Variants in CD55 observed in about 807,000 individuals in gnomAD.
CD55 encodes the protein complement decay-accelerating factor.
A neutral mutation model predicts 45.8 loss-of-function variants in CD55; 41 were observed. That is an observed-to-expected ratio of 0.90 (90% CI 0.70 to 1.16). CD55 has a LOEUF of 1.16. Among genes scored for constraint, CD55 ranks in the 50% most tolerant of loss-of-function variants. The probability of loss-of-function intolerance (pLI) is 0.00; values close to 1 mark genes in which losing one functional copy is unlikely to be tolerated. For synonymous variants in CD55, 181 were observed against 181.1 expected (o/e 1.00, Z 0.01); for missense variants, 416 against 469.8 (o/e 0.89, Z 1.06).
chr1:207,338,273 C>T (rs1349034576), intron 8 of CD55, among the ~76,000 whole-genome samples: 1 of 152,032 alleles, frequency 6.6e-6, no homozygotes, highest in Non-Finnish European at 1.5e-5. Context: ...GTTTCATTAC[C>T]TCTTAGCACT....
chr1:207,337,283 A>G (rs754546647), intron 7 of CD55, 46 bp from the exon 8 acceptor site: 2 of 1,169,932 alleles, frequency 1.7e-6, no homozygotes, highest in Admixed American at 3.4e-5. Context: ...CCCAGTGACT[A>G]ATGGTCTCAA....
At chr1:207,338,411 C>T (rs1014989249) in intron 8 of CD55, among the ~76,000 whole-genome samples, 4 of 151,986 alleles carry the variant, frequency 2.6e-5, no homozygotes, top group Admixed American at 6.6e-5. Flanking sequence ...AGGTTGAACA[C>T]GTCCAGTTTT....
In CD55 at chr1:207,359,674, A is replaced by C. The variant is rs979087738; in HGVS notation, c.*64A>C. The C allele has an allele frequency of 2.6e-6, 4 of 1,535,826 alleles. No individual in the cohort carries two copies. Among genetic ancestry groups the C allele is most frequent in the East Asian group, 2.4e-5 (1 of 42,276 alleles). On this transcript the variant is annotated 3_prime_UTR_variant, in exon 10 of 10. Coordinates refer to ENST00000367064, the MANE Select transcript of CD55 (RefSeq NM_000574.5). ...AGACTGTTCCTAGTTTCTTAGACTT[A>C]TCTGCATATTGGATAAAATAAATGC...
chr1:207,327,380 T>C (rs1654733271), intron 5 of CD55, among the ~76,000 whole-genome samples: 1 of 152,194 alleles, frequency 6.6e-6, no homozygotes, highest in African/African-American at 2.4e-5. Context: ...TATATTCTTA[T>C]CATTAGAGAG....
At position 207,321,770 on chromosome 1, in the gene CD55, C is replaced by T. The variant is rs1228509237; in HGVS notation, c.5C>T (p.Thr2Ile). ...CTTGTTCTAACCCGGCGCGCCATGA[C>T]CGTCGCGCGGCCGAGCGTGCCCGCG... M[T>I]VARPSVPAAL... The change falls in exon 1 of 10, where the codon ACC becomes ATC. Residue 2 changes from threonine (T) to isoleucine (I), a missense_variant. Thr to Ile is a moderately conservative substitution (Grantham distance 89, BLOSUM62 -1). Coordinates refer to ENST00000367064, the MANE Select transcript of CD55 (RefSeq NM_000574.5). 9.9e-6 allele frequency: 15 copies of T among 1,515,796 alleles called. No individual in the cohort carries two copies. The East Asian group carries it at 3.5e-4, about 36-fold the overall frequency. The allele number at this position is 1,515,796 out of a possible 1,614,324, so 93.9% of individuals were successfully genotyped here. A position where few individuals can be genotyped will look rare whatever the true frequency, so the allele number is the denominator to read the frequency against.
intron 9 of CD55, chr1:207,340,540 A>G: frequency 1.4e-6 from 1 of 697,950 alleles, no homozygotes. Context: ...TAAGTTTTTG[A>G]AATTTATTTT....
At chr1:207,330,648 G>A (rs1446566240) in intron 5 of CD55, among the ~76,000 whole-genome samples, 3 of 152,180 alleles carry the variant, frequency 2.0e-5, no homozygotes, top group East Asian at 1.9e-4. Flanking sequence ...ATTTGCTAGC[G>A]TTTCCCTCTT....
chr1:207,324,536 G>A, intron 2 of CD55, 23 bp from the exon 3 acceptor site: 3 of 1,501,626 alleles, frequency 2.0e-6, no homozygotes, highest in South Asian at 1.4e-5. Flanking sequence ...ATTTTTTGTT[G>A]CTGCTTTTGT....
chr1:207,327,780 C>T (rs1368209249), intron 5 of CD55, among the ~76,000 whole-genome samples: 1 of 152,138 alleles, frequency 6.6e-6, no homozygotes, highest in African/African-American at 2.4e-5. Context: ...GACACGAAGA[C>T]AAATAAAATG....
At chr1:207,356,338 T>C (rs1656073873) in intron 9 of CD55, among the ~76,000 whole-genome samples, 1 of 152,252 alleles carries the variant, frequency 6.6e-6, no homozygotes, top group South Asian at 2.1e-4. Flanking sequence ...TTCATTTTTG[T>C]CTGTAATTAC....
rs1207177881 is a variant in CD55, at chr1:207,325,726, G to GT, written c.578+8dup. The GT allele has an allele frequency of 6.5e-7, 1 of 1,547,738 alleles. No homozygotes were observed. The highest frequency in any genetic ancestry group is 1.1e-5 in the South Asian group (1 of 88,990). ...CTCCTTCTCATGTAACACAGGGTAAGTTTGGGCATACTAAAACCCTGTATT... is the reference window on the plus strand; with the variant it reads ...CTCCTTCTCATGTAACACAGGGTAAGTTTTGGGCATACTAAAACCCTGTATT... On this transcript the variant is annotated splice_donor_region_variant and intron_variant, in intron 4 of 9. Transcript: ENST00000367064.
intron 6 of CD55, among the ~76,000 whole-genome samples, chr1:207,336,355 C>T (rs970932018): frequency 2.0e-5 from 3 of 152,048 alleles, no homozygotes; most frequent in Admixed American, 2.0e-4. Context: ...TTAGTATTAG[C>T]ACAAAAGATA....
At position 207,326,708 on chromosome 1, in the gene CD55, T is replaced by C. The variant is rs748489511; in HGVS notation, c.579-44T>C. On this transcript the variant is annotated intron_variant, in intron 4 of 9. Coordinates refer to ENST00000367064, the MANE Select transcript of CD55 (RefSeq NM_000574.5). ...TGGAGAATTTGAGGAAAGTCAAATA[T>C]GTGTGAATGTAACAAACTCTTTTTT... is the stretch of plus-strand genomic sequence containing the variant. 4 of 1,392,920 alleles carry C rather than the reference T, an allele frequency of 2.9e-6. No homozygotes were observed. The South Asian group carries it at 4.7e-5, about 16-fold the overall frequency. The allele number at this position is 1,392,920 out of a possible 1,614,324, so 86.3% of individuals were successfully genotyped here. A position where few individuals can be genotyped will look rare whatever the true frequency, so the allele number is the denominator to read the frequency against.
chr1:207,345,692 T>G (rs1185835873), intron 9 of CD55, among the ~76,000 whole-genome samples: 1 of 152,188 alleles, frequency 6.6e-6, no homozygotes, highest in Non-Finnish European at 1.5e-5. Context: ...GCATCTGATG[T>G]GATATTTGCT....
intron 2 of CD55, among the ~76,000 whole-genome samples, chr1:207,323,373 C>T (rs1005343154): frequency 2.6e-5 from 4 of 151,516 alleles, no homozygotes; most frequent in African/African-American, 9.7e-5. Context: ...GAATAAGAGG[C>T]CCAGTGAAGA....
intron 2 of CD55, among the ~76,000 whole-genome samples, chr1:207,322,784 C>T (rs4844590): frequency 0.22 from 32,723 of 152,078 alleles, 3,681 homozygotes; most frequent in Middle Eastern, 0.26. Flanking sequence ...TAACACTGTA[C>T]CTCTTGAACG....
chr1:207,357,943 AG>A (rs1395393123), intron 9 of CD55, among the ~76,000 whole-genome samples: 1 of 152,134 alleles, frequency 6.6e-6, no homozygotes. Flanking sequence ...TTGTAGCAAA[AG>A]TTATGTGAAT....
intron 9 of CD55, among the ~76,000 whole-genome samples, chr1:207,343,679 G>A (rs1488547256): frequency 1.3e-5 from 2 of 152,168 alleles, no homozygotes; most frequent in Non-Finnish European, 2.9e-5. Flanking sequence ...TGTCTGTTAG[G>A]TCCATTTGGT....
chr1:207,330,395 C>T lies in CD55; in HGVS notation c.665-713C>T, dbSNP rs149545575. On this transcript the variant is annotated intron_variant, in intron 5 of 9. Coordinates refer to ENST00000367064, the MANE Select transcript of CD55 (RefSeq NM_000574.5). ...TATGTGGAACCATTGAATTTTTTCT[C>T]AGGGTAACTGCCAGGGAGTGGTCCC... 4.7e-3 allele frequency among the ~76,000 whole-genome samples: 710 copies of T among 150,308 alleles called. 5 individuals are homozygous for T. Among genetic ancestry groups the T allele is most frequent in the African/African-American group, 0.017 (689 of 41,060 alleles).
Sources: allele counts gnomAD v4.1 joint callset (sites outside exome capture counted in the v4.1 genomes callset), GRCh38; gene constraint gnomAD v4.1.1; transcripts MANE v1.5; gene names NCBI Gene and HGNC (gene_info 2026-07-23, HGNC 2026-07-21).